The following USP28 variants were observed in gnomAD, a reference collection of about 807,000 sequenced individuals.
The protein encoded by USP28 is ubiquitin carboxyl-terminal hydrolase 28.
Under a neutral mutation model 145.0 loss-of-function variants are expected in USP28, and 113 were observed. That is an observed-to-expected ratio of 0.78 (90% CI 0.67 to 0.91). USP28 has a LOEUF of 0.91. USP28 is among the 40% of genes least tolerant of loss of function. The probability of loss-of-function intolerance (pLI) is 0.00; values close to 1 mark genes in which losing one functional copy is unlikely to be tolerated. For missense variants in USP28, 1,201 were observed against 1,289.6 expected, an observed-to-expected ratio of 0.93 and a Z score of 1.05; for synonymous variants, 447 against 450.9, an observed-to-expected ratio of 0.99 and a Z score of 0.11.
At chr11:113,798,653 AAAGGAGAGAG>A (rs1938376507) in exon 25 of USP28, 1 of 152,642 alleles carries the variant, frequency 6.6e-6, no homozygotes, top group Non-Finnish European at 1.5e-5. Context: ...GATAGAAAAG[AAAGGAGAGAG>A]ACAGGTCTCT....
At chr11:113,867,969 T>G (rs1462090559) in intron 1 of USP28, among the ~76,000 whole-genome samples, 1 of 152,202 alleles carries the variant, frequency 6.6e-6, no homozygotes, top group Non-Finnish European at 1.5e-5. Flanking sequence ...AGCATGCAGC[T>G]GGTACTTACT....
chr11:113,847,679 AAC>A (rs1946025140), intron 3 of USP28, among the ~76,000 whole-genome samples: 1 of 152,196 alleles, frequency 6.6e-6, no homozygotes, highest in South Asian at 2.1e-4. Flanking sequence ...TTAAAAAATA[AAC>A]AGTCCTCTTT....
intron 2 of USP28, among the ~76,000 whole-genome samples, chr11:113,853,301 CAAAAAAA>C (rs35806711): frequency 1.1e-4 from 6 of 54,966 alleles, no homozygotes; most frequent in Non-Finnish European, 1.5e-4. Context: ...TCTCCTGTCT[CAAAAAAA>C]AAAAAAAAAA....
At chr11:113,872,586 G>C (rs934707145) in intron 1 of USP28, among the ~76,000 whole-genome samples, 8 of 151,998 alleles carry the variant, frequency 5.3e-5, no homozygotes, top group Non-Finnish European at 1.2e-4. Context: ...CAGTTAATGA[G>C]ACAAAAGGAA....
At chr11:113,812,459 T>C (rs757042486) in exon 16 of USP28, 11 of 1,614,082 alleles carry the variant, frequency 6.8e-6, no homozygotes, top group Non-Finnish European at 8.5e-6. Context: ...TGTCCAGCAT[T>C]TGCTTGTCCT....
intron 24 of USP28, among the ~76,000 whole-genome samples, chr11:113,800,830 T>C (rs918805066): frequency 2.0e-5 from 3 of 150,712 alleles, no homozygotes; most frequent in Non-Finnish European, 4.4e-5. Flanking sequence ...CCCATAACCA[T>C]ACTCTGCATG....
chr11:113,802,711 G>A (rs1939254615), intron 23 of USP28, among the ~76,000 whole-genome samples: 1 of 152,196 alleles, frequency 6.6e-6, no homozygotes, highest in Non-Finnish European at 1.5e-5. Context: ...AAAATGGAGT[G>A]TCAGAAGTCA....
intron 19 of USP28, among the ~76,000 whole-genome samples, 181 bp downstream of exon 20, chr11:113,806,308 C>T (rs572685344): frequency 1.8e-4 from 27 of 152,204 alleles, no homozygotes; most frequent in African/African-American, 6.3e-4. Flanking sequence ...AATCACAGTA[C>T]ATTTCAGCCT....
At chr11:113,864,902 C>T (rs1948109741) in intron 1 of USP28, among the ~76,000 whole-genome samples, 1 of 152,098 alleles carries the variant, frequency 6.6e-6, no homozygotes, top group Non-Finnish European at 1.5e-5. Flanking sequence ...GTCACCCAGG[C>T]TAGAGTACAC....
chr11:113,838,298 T>G (rs1944807605), intron 5 of USP28, among the ~76,000 whole-genome samples: 5 of 152,226 alleles, frequency 3.3e-5, no homozygotes, highest in Non-Finnish European at 1.5e-5. Context: ...TGTTCCACAT[T>G]ATCTTCCTAT....
intron 19 of USP28, among the ~76,000 whole-genome samples, chr11:113,805,719 T>C (rs1939834758): frequency 6.6e-6 from 1 of 152,212 alleles, no homozygotes; most frequent in Non-Finnish European, 1.5e-5. Context: ...ACAGCCTACT[T>C]TGTTATGGCC....
intron 12 of USP28, among the ~76,000 whole-genome samples, chr11:113,822,973 GGGA>G (rs1348466829): frequency 1.9e-4 from 29 of 152,164 alleles, no homozygotes; most frequent in African/African-American, 7.0e-4. Context: ...AGTGGATAAA[GGGA>G]GGAGAAGCTA....
intron 1 of USP28, among the ~76,000 whole-genome samples, chr11:113,863,574 G>A (rs1419467385): frequency 6.7e-6 from 1 of 149,588 alleles, no homozygotes; most frequent in East Asian, 2.0e-4. Context: ...GAGCCCAGAA[G>A]ATGGAGGTTG....
intron 3 of USP28, among the ~76,000 whole-genome samples, chr11:113,843,671 CA>C (rs573054023): frequency 0.02 from 1,217 of 61,908 alleles, 9 homozygotes; most frequent in African/African-American, 0.053. Context: ...AACTCTATCT[CA>C]AAAAAAAAAA....
At chr11:113,836,314 T>C (rs534008482) in intron 5 of USP28, among the ~76,000 whole-genome samples, 31 of 152,176 alleles carry the variant, frequency 2.0e-4, no homozygotes, top group Non-Finnish European at 3.8e-4. Context: ...TGACTCTAGG[T>C]GCTCTTTATA....
chr11:113,853,186 G>A (rs1371853120), intron 2 of USP28, among the ~76,000 whole-genome samples: 2 of 151,474 alleles, frequency 1.3e-5, no homozygotes, highest in Non-Finnish European at 2.9e-5. Context: ...TACTAGGGAG[G>A]CTGAGGTGGG....
At chr11:113,804,808 C>A in intron 20 of USP28, 57 bp from the exon 22 acceptor site, 1 of 1,611,448 alleles carries the variant, frequency 6.2e-7, no homozygotes, top group Non-Finnish European at 8.5e-7. Context: ...ACTTCCCCAA[C>A]AGAGGAGTCC....
chr11:113,861,854 C>T (rs1947729848), intron 1 of USP28, among the ~76,000 whole-genome samples: 1 of 152,110 alleles, frequency 6.6e-6, no homozygotes, highest in African/African-American at 2.4e-5. Context: ...GGCTGACAAA[C>T]ATATCGAACA....
chr11:113,866,236 G>A (rs559150481), intron 1 of USP28, among the ~76,000 whole-genome samples: 2 of 152,274 alleles, frequency 1.3e-5, no homozygotes, highest in African/African-American at 2.4e-5. Flanking sequence ...AGGTTGCAGT[G>A]AGCCGAGATC....
Sources: allele counts gnomAD v4.1 joint callset (sites outside exome capture counted in the v4.1 genomes callset), GRCh38; gene constraint gnomAD v4.1.1; transcripts MANE v1.5; gene names NCBI Gene and HGNC (gene_info 2026-07-23, HGNC 2026-07-21).